Variants in SVEP1 observed in about 807,000 individuals in gnomAD.
SVEP1 encodes the protein sushi, von Willebrand factor type A, EGF and pentraxin domain containing 1, also known as sushi, von Willebrand factor type A, EGF and pentraxin domain-containing protein 1.
A neutral mutation model predicts 367.3 loss-of-function variants in SVEP1; 164 were observed. The ratio of observed to expected loss-of-function variants is 0.45; its 90% CI spans 0.39 to 0.51. The LOEUF is 0.51. SVEP1 is among the 20% of genes least tolerant of loss of function. The pLI is 0.00. For missense variants in SVEP1, 4,117 were observed against 4,425.3 expected, an observed-to-expected ratio of 0.93 and a Z score of 1.98; for synonymous variants, 1,666 against 1,611.6, an observed-to-expected ratio of 1.03 and a Z score of -0.81.
At chr9:110,576,043 C>G (rs911589549) in intron 1 of SVEP1, among the ~76,000 whole-genome samples, 1 of 152,128 alleles carries the variant, frequency 6.6e-6, no homozygotes, top group Admixed American at 6.6e-5. Context: ...ATGTGGAGGG[C>G]AGGTTGGCAC....
Position 110,408,455 on chromosome 9 carries a change from G to A in SVEP1, c.7145C>T (p.Thr2382Ile), listed in dbSNP as rs753209937. ...ACCAAAGGAAATTAGGGGAGGTGGG[G>A]TACAAAGAACAATCTTACAAACAGG... ...SFPVCKIVLC[T>I]PPPLISFGVP... The change falls in exon 38 of 48, where the codon ACC becomes ATC. Residue 2382 changes from threonine to isoleucine, a missense_variant. Coordinates refer to ENST00000374469, the MANE Select transcript of SVEP1 (RefSeq NM_153366.4). 1.9e-6 allele frequency: 3 copies of A among 1,613,948 alleles called. No individual in the cohort carries two copies. In the African/African-American group the frequency reaches 4.0e-5, roughly 22 times the overall value.
intron 3 of SVEP1, among the ~76,000 whole-genome samples, chr9:110,537,473 G>T (rs1454853373): frequency 6.6e-6 from 1 of 151,914 alleles, no homozygotes; most frequent in African/African-American, 2.4e-5. Context: ...TTTGGTCACA[G>T]AACATTTAAA....
intron 1 of SVEP1, among the ~76,000 whole-genome samples, chr9:110,562,209 G>C (rs1448876241): frequency 1.3e-5 from 2 of 149,912 alleles, no homozygotes; most frequent in African/African-American, 4.9e-5. Flanking sequence ...AAAGCACATA[G>C]GGAATAAAGA....
chr9:110,439,654 C>T (rs1828483589), intron 27 of SVEP1, among the ~76,000 whole-genome samples: 3 of 151,990 alleles, frequency 2.0e-5, no homozygotes, highest in Admixed American at 1.3e-4. Context: ...CTTGTCTCAG[C>T]GTCCCAAAGT....
In SVEP1 at chr9:110,469,090, A is replaced by G. The variant is rs771406842; in HGVS notation, c.3010T>C (p.Leu1004=). The change falls in exon 17 of 48, where the codon TTG becomes CTG. Residue 1004 remains leucine (L), a synonymous_variant. Coordinates refer to ENST00000374469, the MANE Select transcript of SVEP1 (RefSeq NM_153366.4). ...TGTTCCAGATTATAATAGGTTCCCA[A>G]AGGGCAATTGACTACAGAAAAAGCA... The part of the protein sequence containing the change: ...LRGRMCVNCP[L]GTYYNLEHFT... 3.1e-6 allele frequency: 5 copies of G among 1,612,246 alleles called. No individual in the cohort carries two copies. The African/African-American group carries it at 6.7e-5, about 22-fold the overall frequency.
At chr9:110,491,882 T>G (rs1449849167) in intron 8 of SVEP1, among the ~76,000 whole-genome samples, 1 of 152,066 alleles carries the variant, frequency 6.6e-6, no homozygotes, top group Non-Finnish European at 1.5e-5. Context: ...AAGCTATGAC[T>G]GTACATAAAA....
rs532348858 is a variant in SVEP1 at position 110,463,427 on chromosome 9, GAAT to G, written c.3322+2435_3322+2437del. On this transcript the variant is annotated intron_variant, in intron 18 of 47. Transcript: ENST00000374469. ...GATACTTAAATATGATTGCTATCTT[GAAT>G]AATAATATTTTAAGTGCCACATGAT... Among the ~76,000 whole-genome samples, 134 of 152,000 alleles carry G rather than the reference GAAT, an allele frequency of 8.8e-4. 1 individual carries two copies. The highest frequency in any genetic ancestry group is 2.9e-3 in the African/African-American group (121 of 41,488).
intron 2 of SVEP1, 92 bp downstream of exon 2, chr9:110,549,757 G>T: frequency 6.7e-7 from 1 of 1,502,768 alleles, no homozygotes; most frequent in Admixed American, 2.0e-5. Flanking sequence ...CCTTGTGAGA[G>T]TTTGATATTA....
intron 14 of SVEP1, among the ~76,000 whole-genome samples, chr9:110,475,202 C>T (rs764684179): frequency 7.2e-5 from 11 of 152,124 alleles, no homozygotes; most frequent in Non-Finnish European, 1.2e-4. Context: ...CAACATCACT[C>T]TTAATGCTAA....
At chr9:110,456,739 C>T (rs2118629631) in intron 21 of SVEP1, among the ~76,000 whole-genome samples, 1 of 152,226 alleles carries the variant, frequency 6.6e-6, no homozygotes, top group African/African-American at 2.4e-5. Context: ...CAAATGTGAA[C>T]CAAACTGTTA....
chr9:110,490,883 G>A (rs915844536), intron 8 of SVEP1, among the ~76,000 whole-genome samples: 1 of 151,764 alleles, frequency 6.6e-6, no homozygotes, highest in African/African-American at 2.4e-5. Flanking sequence ...TGAATTGTAT[G>A]TTTATTTTCT....
At chr9:110,372,448 C>T (rs953099049) in intron 46 of SVEP1, among the ~76,000 whole-genome samples, 5 of 152,118 alleles carry the variant, frequency 3.3e-5, no homozygotes, top group African/African-American at 1.2e-4. Flanking sequence ...TAAGATTTGG[C>T]AGAACGAAGG....
At chr9:110,571,023 C>T (rs1830556832) in intron 1 of SVEP1, among the ~76,000 whole-genome samples, 1 of 135,122 alleles carries the variant, frequency 7.4e-6, no homozygotes, top group Admixed American at 8.2e-5. Context: ...GTCGCCTGGG[C>T]TGGAGTTCAA....
intron 5 of SVEP1, among the ~76,000 whole-genome samples, chr9:110,506,956 A>T (rs1198878486): frequency 1.3e-5 from 2 of 152,046 alleles, no homozygotes; most frequent in Non-Finnish European, 2.9e-5. Context: ...AAAGAGGAAG[A>T]TGGGGAAGCT....
chr9:110,482,392 G>A lies in SVEP1; in HGVS notation c.2139C>T (p.Asn713=), dbSNP rs1332292203. 6.2e-7 allele frequency: 1 copy of A among 1,612,688 alleles called. No individual in the cohort carries two copies. The highest frequency in any genetic ancestry group is 1.7e-5 in the Admixed American group (1 of 59,896). ...TGACAATATGGATATCACATGTCCT[G>A]TTATTGCCTGAGGGGTCAGTGGCTG... ...QYTATDPSGN[N]RTCDIHIVIK... Residue 713 remains asparagine, a synonymous_variant, in exon 11 of 48, where the codon AAC becomes AAT. Coordinates refer to ENST00000374469, the MANE Select transcript of SVEP1 (RefSeq NM_153366.4).
intron 5 of SVEP1, among the ~76,000 whole-genome samples, chr9:110,510,337 A>C (rs1294319493): frequency 6.6e-6 from 1 of 152,148 alleles, no homozygotes; most frequent in Non-Finnish European, 1.5e-5. Context: ...GCTCCTTCTA[A>C]AATTGTGTAA....
intron 3 of SVEP1, among the ~76,000 whole-genome samples, chr9:110,527,740 G>A (rs966342698): frequency 1.3e-5 from 2 of 151,732 alleles, no homozygotes; most frequent in African/African-American, 4.8e-5. Context: ...ATGTTCCATG[G>A]ATGAATTGTA....
At chr9:110,410,985 CAAT>C in intron 37 of SVEP1, 75 bp downstream of exon 37, 1 of 1,344,488 alleles carries the variant, frequency 7.4e-7, no homozygotes, top group Non-Finnish European at 9.9e-7. Context: ...TGTTTGGACT[CAAT>C]TATTTGTTTT....
At chr9:110,373,651 T>C (rs1827309485) in intron 46 of SVEP1, among the ~76,000 whole-genome samples, 1 of 151,656 alleles carries the variant, frequency 6.6e-6, no homozygotes, top group Non-Finnish European at 1.5e-5. Flanking sequence ...CTTAAAATTT[T>C]AGGACACTAG....
Sources: allele counts gnomAD v4.1 joint callset (sites outside exome capture counted in the v4.1 genomes callset), GRCh38; gene constraint gnomAD v4.1.1; transcripts MANE v1.5; gene names NCBI Gene and HGNC (gene_info 2026-07-23, HGNC 2026-07-21).